The following CACNG8 variants were observed in gnomAD, a reference collection of about 807,000 sequenced individuals.
CACNG8 encodes the protein voltage-dependent calcium channel gamma-8 subunit.
CACNG8 carries 5 observed loss-of-function variants against 26.9 expected under a neutral mutation model. The observed-to-expected ratio is 0.19, with a 90% confidence interval of 0.10 to 0.39. CACNG8 has a LOEUF of 0.39. CACNG8 is among the 10% of genes least tolerant of loss of function. The pLI is 1.00. For synonymous variants in CACNG8, 321 were observed against 296.7 expected (o/e 1.08, Z -0.84); for missense variants, 473 against 609.4 (o/e 0.78, Z 2.36).
chr19:53,970,199 C>G (rs2069294326), intron 1 of CACNG8, among the ~76,000 whole-genome samples: 1 of 152,196 alleles, frequency 6.6e-6, no homozygotes, highest in African/African-American at 2.4e-5. Flanking sequence ...GCCTGTGGTC[C>G]CAGCTACTTG....
chr19:53,982,935 C>A lies in CACNG8; in HGVS notation c.*86C>A. 1.1e-6 allele frequency: 1 copy of A among 932,370 alleles called. No individual in the cohort carries two copies. Among genetic ancestry groups the A allele is most frequent in the South Asian group, 4.6e-5 (1 of 21,572 alleles). The allele number at this position is 932,370 out of a possible 1,614,324, so 57.8% of individuals were successfully genotyped here. A position where few individuals can be genotyped will look rare whatever the true frequency, so the allele number is the denominator to read the frequency against. On this transcript the variant is annotated 3_prime_UTR_variant, in exon 4 of 4. Coordinates refer to ENST00000270458, the MANE Select transcript of CACNG8 (RefSeq NM_031895.6). This position sits in a 1 kb window ranked among gnomAD's most constrained non-coding sequence, Gnocchi z 8.4. ...AGGCTGCCGGGGTCGGGGGCGCCCCCGCTTTCCCCCGTGAGCGCGCTGGAG... is the reference window on the plus strand; with the variant it reads ...AGGCTGCCGGGGTCGGGGGCGCCCCAGCTTTCCCCCGTGAGCGCGCTGGAG...
At chr19:53,974,673 G>A (rs537616184) in intron 1 of CACNG8, among the ~76,000 whole-genome samples, 2 of 151,612 alleles carry the variant, frequency 1.3e-5, no homozygotes, top group East Asian at 1.9e-4. Context: ...ACAGAGTCTC[G>A]CTCTGTCACC....
At chr19:53,974,323 A>G (rs1375139131) in intron 1 of CACNG8, among the ~76,000 whole-genome samples, 1 of 152,204 alleles carries the variant, frequency 6.6e-6, no homozygotes, top group Non-Finnish European at 1.5e-5. Context: ...ATTCCATTGT[A>G]TGTACATAGC....
Position 53,982,197 on chromosome 19 carries a change from GC to G in CACNG8, c.627del (p.Leu211CysfsTer8). ...TCGTACGGCTGGTCCTTCTACTTCG[GC>G]GGGCTGTCGTTCATCCTGGCCGAGG... On this transcript the variant is annotated frameshift_variant, in exon 4 of 4. Transcript: ENST00000270458. LOFTEE classifies it high-confidence loss of function. This position sits in a 1 kb window ranked among gnomAD's most constrained non-coding sequence, Gnocchi z 8.4. 6.2e-7 allele frequency: 1 copy of G among 1,613,178 alleles called. No homozygotes were observed. Among genetic ancestry groups the G allele is most frequent in the Non-Finnish European group, 8.5e-7 (1 of 1,179,750 alleles).
chr19:53,982,648 CG>C lies in CACNG8; in HGVS notation c.1084del (p.Ala362ArgfsTer98), dbSNP rs1196747223. 4.8e-6 allele frequency: 5 copies of C among 1,050,916 alleles called. No homozygotes were observed. Among genetic ancestry groups the C allele is most frequent in the Non-Finnish European group, 5.7e-6 (5 of 874,462 alleles). The allele number at this position is 1,050,916 out of a possible 1,614,324, so 65.1% of individuals were successfully genotyped here. A position where few individuals can be genotyped will look rare whatever the true frequency, so the allele number is the denominator to read the frequency against. On this transcript the variant is annotated frameshift_variant, in exon 4 of 4. Transcript: ENST00000270458. LOFTEE classifies it high-confidence loss of function. This position sits in a 1 kb window ranked among gnomAD's most constrained non-coding sequence, Gnocchi z 8.4. ...GCGGGGCGGGTGCCGAGCGGGACCG[CG>C]GGGGGGCGTCCGGCTTCCTCACGCT...
At chr19:53,969,867 C>T (rs988074178) in intron 1 of CACNG8, among the ~76,000 whole-genome samples, 4 of 152,214 alleles carry the variant, frequency 2.6e-5, no homozygotes, top group African/African-American at 9.7e-5. Context: ...CGCGGTGGCT[C>T]ACACCTGTAA....
intron 1 of CACNG8, among the ~76,000 whole-genome samples, chr19:53,964,000 C>T (rs1285000817): frequency 6.6e-6 from 1 of 151,892 alleles, no homozygotes; most frequent in African/African-American, 2.4e-5. Context: ...ATGAGGTCTC[C>T]TGTTGCCCAG....
At position 53,980,064 on chromosome 19, in the gene CACNG8, G is replaced by A. The variant is rs575343607; in HGVS notation, c.508+57G>A. 358 of 1,251,378 alleles carry A rather than the reference G, an allele frequency of 2.9e-4. 2 individuals carry two copies. In the African/African-American group the frequency reaches 5.2e-3, roughly 18 times the overall value. 77.5% of individuals were successfully genotyped at this position (1,251,378 alleles called of 1,614,324 possible). The stretch of plus-strand genomic sequence containing the variant: ...GGCCCACCTGGGCGCGCACGTGTGT[G>A]TGTGTGTGTGTGTGTGTGTGTGCGC... On this transcript the variant is annotated intron_variant, in intron 3 of 3. Coordinates refer to ENST00000270458, the MANE Select transcript of CACNG8 (RefSeq NM_031895.6).
intron 3 of CACNG8, 26 bp downstream of exon 3, chr19:53,980,033 CG>C (rs781559246): frequency 1.3e-6 from 2 of 1,580,978 alleles, no homozygotes; most frequent in East Asian, 2.3e-5. Flanking sequence ...AGGGGGCGAC[CG>C]GGGCGGCCCA....
chr19:53,982,025 G>T lies in CACNG8; in HGVS notation c.509-55G>T. 4.0e-6 allele frequency: 6 copies of T among 1,500,898 alleles called. No individual in the cohort carries two copies. Among genetic ancestry groups the T allele is most frequent in the African/African-American group, 1.5e-5 (1 of 68,480 alleles). 93.0% of individuals were successfully genotyped at this position (1,500,898 alleles called of 1,614,324 possible). Reference sequence around the variant, plus strand: ...AGGCGGGCAGGGGTCGGGGCCGGGGGCGGGGGCGGGGCCGGGGGTGGCCTC... The same window carrying T: ...AGGCGGGCAGGGGTCGGGGCCGGGGTCGGGGGCGGGGCCGGGGGTGGCCTC... On this transcript the variant is annotated intron_variant, in intron 3 of 3. Coordinates refer to ENST00000270458, the MANE Select transcript of CACNG8 (RefSeq NM_031895.6). The surrounding 1 kb of genome is among the most constrained non-coding windows in gnomAD (Gnocchi z 8.4).
intron 1 of CACNG8, 78 bp downstream of exon 1, chr19:53,963,503 C>T: frequency 7.3e-7 from 1 of 1,369,552 alleles, no homozygotes. Flanking sequence ...GCTGCCTGTC[C>T]CTGATCCTGG....
chr19:53,982,536 TGGCGGGGGCC>T lies in CACNG8; in HGVS notation c.971_980del (p.Gly324AlafsTer133). ...TCCAAGGGCAGCGTGGCCGCGGGGC[TGGCGGGGGCC>T]GGCGGCGGCGGCGGCGGCGCCGTGG... On this transcript the variant is annotated frameshift_variant, in exon 4 of 4. Coordinates refer to ENST00000270458, the MANE Select transcript of CACNG8 (RefSeq NM_031895.6). LOFTEE classifies it high-confidence loss of function. This position sits in a 1 kb window ranked among gnomAD's most constrained non-coding sequence, Gnocchi z 8.4. 1 of 1,243,398 alleles carries T rather than the reference TGGCGGGGGCC, an allele frequency of 8.0e-7. No individual in the cohort carries two copies. Among genetic ancestry groups the T allele is most frequent in the Non-Finnish European group, 1.0e-6 (1 of 996,396 alleles). 77.0% of individuals were successfully genotyped at this position (1,243,398 alleles called of 1,614,324 possible). A position where few individuals can be genotyped will look rare whatever the true frequency, so the allele number is the denominator to read the frequency against.
intron 1 of CACNG8, among the ~76,000 whole-genome samples, chr19:53,977,186 T>G: frequency 6.6e-6 from 1 of 152,056 alleles, no homozygotes. Context: ...AGTGTGCATG[T>G]GTGTCTGTGT....
In CACNG8 at chr19:53,982,837, C is replaced by T; in HGVS notation, c.1266C>T (p.Thr422=). Residue 422 remains threonine, a synonymous_variant, in exon 4 of 4, where the codon ACC becomes ACT. Transcript: ENST00000270458. This position sits in a 1 kb window ranked among gnomAD's most constrained non-coding sequence, Gnocchi z 8.4. ...ACACCAACACGCTCAACAGGAAAAC[C>T]ACGCCTGTGTAGGGGCGCGGCGGGG... 3.7e-6 allele frequency: 5 copies of T among 1,369,554 alleles called. No individual in the cohort carries two copies. In the South Asian group the frequency reaches 7.4e-5, roughly 20 times the overall value. 84.8% of individuals were successfully genotyped at this position (1,369,554 alleles called of 1,614,324 possible).
intron 2 of CACNG8, among the ~76,000 whole-genome samples, chr19:53,978,498 G>T (rs1467122006): frequency 1.3e-5 from 2 of 152,012 alleles, no homozygotes; most frequent in Admixed American, 6.6e-5. Context: ...TTTGGCCCTC[G>T]CGGCGACTCT....
At chr19:53,963,453 C>G (rs746437541) in intron 1 of CACNG8, 28 bp downstream of exon 1, 8 of 1,426,068 alleles carry the variant, frequency 5.6e-6, no homozygotes, top group Non-Finnish European at 7.3e-6. Context: ...CTCCCCGCAG[C>G]CCCCGCCGCT....
In CACNG8 at chr19:53,988,781, G is replaced by A. The variant is rs1233416505; in HGVS notation, c.*5932G>A. On this transcript the variant is annotated 3_prime_UTR_variant, in exon 4 of 4. Transcript: ENST00000270458. ...AGATGAATTCAGGGGGCAGGGAAGAGAGGATGCTGTCAGCTAGGCTCTGGC... is the reference window on the plus strand; with the variant it reads ...AGATGAATTCAGGGGGCAGGGAAGAAAGGATGCTGTCAGCTAGGCTCTGGC... 1 of 152,322 alleles carries A rather than the reference G, an allele frequency of 6.6e-6. No individual in the cohort carries two copies. The highest frequency in any genetic ancestry group is 1.5e-5 in the Non-Finnish European group (1 of 68,092). 9.4% of individuals were successfully genotyped at this position (152,322 alleles called of 1,614,324 possible). A position where few individuals can be genotyped will look rare whatever the true frequency, so the allele number is the denominator to read the frequency against.
intron 3 of CACNG8, among the ~76,000 whole-genome samples, 187 bp downstream of exon 3, chr19:53,980,194 G>T (rs1361289143): frequency 4.6e-5 from 7 of 152,120 alleles, no homozygotes; most frequent in Non-Finnish European, 1.0e-4. Flanking sequence ...AAGCTCCATC[G>T]CCACCCGCTG....
chr19:53,965,315 C>T (rs1447001955), intron 1 of CACNG8, among the ~76,000 whole-genome samples: 1 of 152,154 alleles, frequency 6.6e-6, no homozygotes, highest in Non-Finnish European at 1.5e-5. Flanking sequence ...TGTGTTCTAC[C>T]CTGACCACGA....
Sources: allele counts gnomAD v4.1 joint callset (sites outside exome capture counted in the v4.1 genomes callset), GRCh38; gene constraint gnomAD v4.1.1; non-coding constraint Gnocchi (gnomAD v3.1); transcripts MANE v1.5; gene names NCBI Gene and HGNC (gene_info 2026-07-23, HGNC 2026-07-21).